Variants in DYNC2H1 observed in about 807,000 individuals in gnomAD.
DYNC2H1 encodes cytoplasmic dynein 2 heavy chain 1.
A neutral mutation model predicts 570.0 loss-of-function variants in DYNC2H1; 410 were observed. That is an observed-to-expected ratio of 0.72 (90% CI 0.66 to 0.78). DYNC2H1 has a LOEUF of 0.78. Among genes scored for constraint, DYNC2H1 ranks in the 30% least tolerant of loss-of-function variants. The pLI is 0.00. For missense variants in DYNC2H1, 4,865 were observed against 5,046.4 expected, an observed-to-expected ratio of 0.96 and a Z score of 1.09; for synonymous variants, 1,688 against 1,677.6, an observed-to-expected ratio of 1.01 and a Z score of -0.15.
chr11:103,464,898 G>A (rs1307214767), intron 87 of DYNC2H1, among the ~76,000 whole-genome samples: 2 of 152,092 alleles, frequency 1.3e-5, no homozygotes, highest in Non-Finnish European at 2.9e-5. Context: ...TAATTTTAGT[G>A]TGTAATTTAA....
At chr11:103,274,108 G>GT (rs754904723) in intron 70 of DYNC2H1, among the ~76,000 whole-genome samples, 8 of 151,550 alleles carry the variant, frequency 5.3e-5, no homozygotes, top group Non-Finnish European at 1.2e-4. Flanking sequence ...TAGTAGTACT[G>GT]TGTGTACATT....
At chr11:103,230,188 T>A (rs767880590) in intron 59 of DYNC2H1, among the ~76,000 whole-genome samples, 1 of 152,202 alleles carries the variant, frequency 6.6e-6, no homozygotes, top group Non-Finnish European at 1.5e-5. Context: ...CCCAGTGTTT[T>A]GTATGTTACC....
rs1468769783 is a variant in DYNC2H1 at position 103,334,534 on chromosome 11, T to C, written c.12039+10544T>C. Among the ~76,000 whole-genome samples the C allele has an allele frequency of 6.6e-6, 1 of 152,128 alleles. No individual in the cohort carries two copies. Among genetic ancestry groups the C allele is most frequent in the Non-Finnish European group, 1.5e-5 (1 of 67,976 alleles). ...AAACCATTTTTATTACCAAAAACAGTTTTAGTTGGCATTTTATTACTTTTT... is the reference window on the plus strand; with the variant it reads ...AAACCATTTTTATTACCAAAAACAGCTTTAGTTGGCATTTTATTACTTTTT... On this transcript the variant is annotated intron_variant, in intron 82 of 88. Coordinates refer to ENST00000375735, the MANE Select transcript of DYNC2H1 (RefSeq NM_001377.3). The surrounding 1 kb of genome is among the most constrained non-coding windows in gnomAD (Gnocchi z 4.3).
At position 103,369,785 on chromosome 11, in the gene DYNC2H1, C is replaced by T. The variant is rs1031378929; in HGVS notation, c.12156+11426C>T. Reference sequence around the variant, plus strand: ...GATTCATCACCTGCTAACTGAAGATCCCTTGTGCCCTGCATAACCAGCAGC... The same window carrying T: ...GATTCATCACCTGCTAACTGAAGATTCCTTGTGCCCTGCATAACCAGCAGC... On this transcript the variant is annotated intron_variant, in intron 83 of 88. Transcript: ENST00000375735. This position sits in a 1 kb window ranked among gnomAD's most constrained non-coding sequence, Gnocchi z 4.0. Among the ~76,000 whole-genome samples the T allele has an allele frequency of 1.3e-5, 2 of 152,188 alleles. No homozygotes were observed. The highest frequency in any genetic ancestry group is 2.9e-5 in the Non-Finnish European group (2 of 68,036).
Position 103,225,308 on chromosome 11 carries a change from G to A in DYNC2H1, c.9353+2222G>A, listed in dbSNP as rs190782718. The stretch of plus-strand genomic sequence containing the variant: ...TTGTTGCATTTGCTTTTGGGTTCTT[G>A]GTCATGAAGTCTTTACCTAAGCCAA... On this transcript the variant is annotated intron_variant, in intron 59 of 88. Transcript: ENST00000375735. 6.6e-4 allele frequency among the ~76,000 whole-genome samples: 101 copies of A among 152,134 alleles called. 1 individual carries two copies. The East Asian group carries it at 0.019, about 28-fold the overall frequency.
intron 47 of DYNC2H1, 107 bp downstream of exon 47, chr11:103,192,371 T>A (rs1019165104): frequency 6.3e-6 from 5 of 792,770 alleles, no homozygotes; most frequent in South Asian, 5.5e-5. Flanking sequence ...AAACTTTGAA[T>A]AATTTTAATA....
chr11:103,202,896 A>G (rs947541867), intron 50 of DYNC2H1, among the ~76,000 whole-genome samples: 1 of 151,988 alleles, frequency 6.6e-6, no homozygotes, highest in African/African-American at 2.4e-5. Context: ...TTAAGACTAA[A>G]GTTGTAGTCT....
At position 103,155,505 on chromosome 11, in the gene DYNC2H1, T is replaced by C; in HGVS notation, c.3744+4T>C. The C allele has an allele frequency of 6.2e-7, 1 of 1,601,764 alleles. No individual in the cohort carries two copies. Among genetic ancestry groups the C allele is most frequent in the Non-Finnish European group, 8.5e-7 (1 of 1,175,852 alleles). On this transcript the variant is annotated splice_donor_region_variant and intron_variant, in intron 25 of 88. Transcript: ENST00000375735. ...AGCCAAAGCTGCCGACCTTAAAGTATGAATCACTTTTATAAATATCCCATA... is the reference window on the plus strand; with the variant it reads ...AGCCAAAGCTGCCGACCTTAAAGTACGAATCACTTTTATAAATATCCCATA...
At chr11:103,188,436 C>A in intron 43 of DYNC2H1, 61 bp from the exon 44 acceptor site, 1 of 1,318,476 alleles carries the variant, frequency 7.6e-7, no homozygotes. Flanking sequence ...CAAAAATATC[C>A]TTTATCATGA....
Position 103,170,437 on chromosome 11 carries a change from C to T in DYNC2H1, c.5151+147C>T. 8.0e-6 allele frequency: 7 copies of T among 876,124 alleles called. No individual in the cohort carries two copies. The highest frequency in any genetic ancestry group is 1.1e-5 in the Non-Finnish European group (7 of 611,094). 54.3% of individuals were successfully genotyped at this position (876,124 alleles called of 1,614,324 possible). A position where few individuals can be genotyped will look rare whatever the true frequency, so the allele number is the denominator to read the frequency against. On this transcript the variant is annotated intron_variant, in intron 33 of 88. Transcript: ENST00000375735. The surrounding 1 kb of genome is among the most constrained non-coding windows in gnomAD (Gnocchi z 4.8). The stretch of plus-strand genomic sequence containing the variant: ...TGTTTAAATTGAAATGTAAAATGGA[C>T]AGAGGTTGTACGTAGTATAGTCCAA...
At chr11:103,333,267 GTTTC>G (rs1938920057) in intron 82 of DYNC2H1, among the ~76,000 whole-genome samples, 1 of 152,074 alleles carries the variant, frequency 6.6e-6, no homozygotes, top group African/African-American at 2.4e-5. Context: ...TGTGTTGTTT[GTTTC>G]TTTGTTTTTT....
chr11:103,363,716 TAA>T lies in DYNC2H1; in HGVS notation c.12156+5358_12156+5359del, dbSNP rs1266356673. Among the ~76,000 whole-genome samples, 2 of 152,224 alleles carry T rather than the reference TAA, an allele frequency of 1.3e-5. No individual in the cohort carries two copies. Among genetic ancestry groups the T allele is most frequent in the African/African-American group, 4.8e-5 (2 of 41,458 alleles). On this transcript the variant is annotated intron_variant, in intron 83 of 88. Transcript: ENST00000375735. This position sits in a 1 kb window ranked among gnomAD's most constrained non-coding sequence, Gnocchi z 5.6. ...ATTAAAGGGATTGGAAAATATAAAT[TAA>T]GTCTACATTACTGATTGTGACTAAT...
rs4754899 is a variant in DYNC2H1 at position 103,289,843 on chromosome 11, T to A, written c.11095+2238T>A. ...TTAAATTTGACATCCTATATTTAGT[T>A]ACGATATTTGGACTGAGTGTTCCTC... On this transcript the variant is annotated intron_variant, in intron 75 of 88. Coordinates refer to ENST00000375735, the MANE Select transcript of DYNC2H1 (RefSeq NM_001377.3). The surrounding 1 kb of genome is among the most constrained non-coding windows in gnomAD (Gnocchi z 4.2). 0.17 allele frequency among the ~76,000 whole-genome samples: 25,114 copies of A among 152,080 alleles called. 2,259 individuals are homozygous for A. Among genetic ancestry groups the A allele is most frequent in the Admixed American group, 0.25 (3,854 of 15,278 alleles).
At chr11:103,222,681 T>C (rs575070898) in intron 58 of DYNC2H1, among the ~76,000 whole-genome samples, 2 of 152,226 alleles carry the variant, frequency 1.3e-5, no homozygotes, top group South Asian at 2.1e-4. Flanking sequence ...GGATGACACA[T>C]GTATTCATTA....
At chr11:103,394,967 T>A (rs1440474777) in intron 83 of DYNC2H1, among the ~76,000 whole-genome samples, 1 of 152,032 alleles carries the variant, frequency 6.6e-6, no homozygotes, top group Admixed American at 6.6e-5. Context: ...CTGTTTTCTT[T>A]CCTTTTTTAT....
intron 85 of DYNC2H1, among the ~76,000 whole-genome samples, chr11:103,449,180 G>T (rs761677124): frequency 9.2e-5 from 14 of 152,202 alleles, no homozygotes; most frequent in Non-Finnish European, 1.8e-4. Context: ...AGGGCGGCAA[G>T]TGTGCCTGAA....
intron 59 of DYNC2H1, among the ~76,000 whole-genome samples, chr11:103,225,934 T>C (rs1424885760): frequency 6.9e-6 from 1 of 145,700 alleles, no homozygotes; most frequent in Non-Finnish European, 1.5e-5. Flanking sequence ...ACCATATCCT[T>C]GGTTAGGTGT....
intron 29 of DYNC2H1, 141 bp downstream of exon 29, chr11:103,161,185 ATTTGT>A (rs1469388400): frequency 2.2e-5 from 10 of 451,594 alleles, no homozygotes; most frequent in South Asian, 4.7e-5. Flanking sequence ...CTTAAAAATG[ATTTGT>A]TTTGTTAGTT....
At chr11:103,176,571 GATCTT>G in intron 37 of DYNC2H1, 137 bp downstream of exon 37, 1 of 611,588 alleles carries the variant, frequency 1.6e-6, no homozygotes, top group Non-Finnish European at 2.5e-6. Flanking sequence ...AGTCTTCCCA[GATCTT>G]CAAGTCCTGA....
Sources: gnomAD v4.1 joint callset for allele counts (sites outside exome capture counted in the v4.1 genomes callset) on GRCh38, gnomAD v4.1.1 for gene constraint, Gnocchi (gnomAD v3.1) non-coding constraint, MANE v1.5 for transcripts, NCBI Gene and HGNC (gene_info 2026-07-23, HGNC 2026-07-21) for gene names.